Variants in TBC1D4 observed in about 807,000 individuals in gnomAD.
The protein encoded by TBC1D4 is TBC (Tre-2, BUB2, CDC16) domain-containing protein.
In TBC1D4, 121 loss-of-function variants were observed where a neutral mutation model predicts 142.5. The observed-to-expected ratio is 0.85, with a 90% CI of 0.73 to 0.99. The LOEUF (loss-of-function observed/expected upper bound fraction) is 0.99, where lower values mean the gene tolerates loss of function less well. TBC1D4 is among the 50% of genes least tolerant of loss of function. The pLI, the probability that TBC1D4 is intolerant of heterozygous loss-of-function variation, is 0.00. For synonymous variants in TBC1D4, 630 were observed against 628.2 expected, an observed-to-expected ratio of 1.00 and a Z score of -0.04; for missense variants, 1,475 against 1,606.6, an observed-to-expected ratio of 0.92 and a Z score of 1.40.
chr13:75,299,053 A>C (rs1876242197), intron 17 of TBC1D4, among the ~76,000 whole-genome samples: 1 of 152,198 alleles, frequency 6.6e-6, no homozygotes, highest in African/African-American at 2.4e-5. Flanking sequence ...TTAGGGCATA[A>C]AGGACTGGGT....
intron 1 of TBC1D4, among the ~76,000 whole-genome samples, chr13:75,396,297 A>G (rs1232331782): frequency 1.3e-5 from 2 of 152,210 alleles, no homozygotes; most frequent in East Asian, 1.9e-4. Flanking sequence ...TTATTGTCTC[A>G]GCAGCTGTTT....
chr13:75,421,619 T>C (rs1027645725), intron 1 of TBC1D4, among the ~76,000 whole-genome samples: 1 of 152,212 alleles, frequency 6.6e-6, no homozygotes, highest in Non-Finnish European at 1.5e-5. Context: ...TGGTTGTGTG[T>C]AGAGTCTTGG....
In TBC1D4 at chr13:75,481,372, G is replaced by A. The variant is rs558856103; in HGVS notation, c.396C>T (p.Asn132=). 6.2e-7 allele frequency: 1 copy of A among 1,613,966 alleles called. No individual in the cohort carries two copies. Among genetic ancestry groups the A allele is most frequent in the South Asian group, 1.1e-5 (1 of 91,086 alleles). The part of the protein sequence containing the change: ...KAQHISRFIH[N]SHDLTYFAYL... Reference sequence around the variant, plus strand: ...AGGCAAAGTAGGTGAGGTCGTGGCTGTTGTGGATGAAGCGCGAGATATGCT... The same window carrying A: ...AGGCAAAGTAGGTGAGGTCGTGGCTATTGTGGATGAAGCGCGAGATATGCT... The change falls in exon 1 of 21, where the codon AAC becomes AAT. Residue 132 remains asparagine (N), a synonymous_variant. Transcript: ENST00000377636.
intron 14 of TBC1D4, among the ~76,000 whole-genome samples, chr13:75,306,873 C>T (rs911116449): frequency 6.6e-6 from 1 of 152,134 alleles, no homozygotes; most frequent in Non-Finnish European, 1.5e-5. Flanking sequence ...TAACATGATA[C>T]ATTTTTATAA....
At chr13:75,355,836 C>A (rs56777330) in intron 4 of TBC1D4, among the ~76,000 whole-genome samples, 2,462 of 152,310 alleles carry the variant, frequency 0.016, 63 homozygotes, top group African/African-American at 0.056. Flanking sequence ...CCTTCCTTAT[C>A]TTCTCATATG....
At chr13:75,474,653 T>G (rs1888560482) in intron 1 of TBC1D4, among the ~76,000 whole-genome samples, 1 of 149,640 alleles carries the variant, frequency 6.7e-6, no homozygotes, top group African/African-American at 2.4e-5. Flanking sequence ...AACCTTTTTT[T>G]TTTTTTTTAA....
chr13:75,452,360 G>A (rs552824535), intron 1 of TBC1D4, among the ~76,000 whole-genome samples: 5 of 152,142 alleles, frequency 3.3e-5, no homozygotes, highest in African/African-American at 1.2e-4. Flanking sequence ...CAGAAACTAT[G>A]GATATATGAC....
chr13:75,436,781 T>C (rs577618077), intron 1 of TBC1D4, among the ~76,000 whole-genome samples: 21 of 152,326 alleles, frequency 1.4e-4, no homozygotes, highest in Non-Finnish European at 2.1e-4. Context: ...AGAATCCTTA[T>C]TATTAATTGA....
intron 1 of TBC1D4, among the ~76,000 whole-genome samples, chr13:75,462,548 AAAAAAAAAAGATTTGAC>A (rs1888015377): frequency 6.6e-6 from 1 of 151,530 alleles, no homozygotes; most frequent in African/African-American, 2.4e-5. Flanking sequence ...AAAAGGAAAA[AAAAAAAAAAGATTTGAC>A]AAAGCAGAGC....
intron 1 of TBC1D4, among the ~76,000 whole-genome samples, chr13:75,436,032 CCCA>C (rs1233003546): frequency 1.3e-5 from 2 of 152,072 alleles, no homozygotes; most frequent in Admixed American, 1.3e-4. Flanking sequence ...TCCCATAATC[CCCA>C]CGTGTCATGG....
In TBC1D4 at chr13:75,293,753, A is replaced by C. The variant is rs1593866153; in HGVS notation, c.3316+1101T>G. On this transcript the variant is annotated intron_variant, in intron 18 of 20. Coordinates refer to ENST00000377636, the MANE Select transcript of TBC1D4 (RefSeq NM_014832.5). ...GTTTAACTTTTAAACCACAGCCCTC[A>C]ATAAGAAAGATATCATATGTTGTAA... Among the ~76,000 whole-genome samples the C allele has an allele frequency of 2.0e-5, 3 of 152,232 alleles. No homozygotes were observed. In the East Asian group the frequency reaches 5.8e-4, roughly 29 times the overall value.
At chr13:75,411,006 T>C (rs1593857328) in intron 1 of TBC1D4, among the ~76,000 whole-genome samples, 2 of 135,182 alleles carry the variant, frequency 1.5e-5, no homozygotes, top group Admixed American at 7.3e-5. Context: ...TAATATAAAA[T>C]GTAAGACATT....
chr13:75,353,630 G>A (rs1881799088), intron 4 of TBC1D4, among the ~76,000 whole-genome samples: 1 of 152,130 alleles, frequency 6.6e-6, no homozygotes, highest in South Asian at 2.1e-4. Flanking sequence ...TGCAAAAAAG[G>A]GGGTCAAGAA....
chr13:75,458,291 C>T (rs1327454111), intron 1 of TBC1D4, among the ~76,000 whole-genome samples: 1 of 152,122 alleles, frequency 6.6e-6, no homozygotes, highest in Non-Finnish European at 1.5e-5. Flanking sequence ...CTTCTCCAAC[C>T]ACCCCCAGCC....
intron 1 of TBC1D4, among the ~76,000 whole-genome samples, chr13:75,392,198 GGATA>G (rs1884525272): frequency 6.6e-6 from 1 of 151,946 alleles, no homozygotes; most frequent in Admixed American, 6.6e-5. Flanking sequence ...AATATGTGTT[GGATA>G]AATAACCAAA....
At chr13:75,326,872 A>C (rs1405911934) in intron 9 of TBC1D4, among the ~76,000 whole-genome samples, 1 of 152,182 alleles carries the variant, frequency 6.6e-6, no homozygotes, top group Non-Finnish European at 1.5e-5. Flanking sequence ...TATCAATTGC[A>C]TGCTTCCTGT....
chr13:75,334,047 C>A (rs993115219), intron 8 of TBC1D4, among the ~76,000 whole-genome samples: 1 of 152,150 alleles, frequency 6.6e-6, no homozygotes, highest in Non-Finnish European at 1.5e-5. Flanking sequence ...GCCTGCCAGC[C>A]TTCTCCATTG....
intron 1 of TBC1D4, among the ~76,000 whole-genome samples, chr13:75,385,598 A>T (rs1207036937): frequency 6.6e-6 from 1 of 152,250 alleles, no homozygotes; most frequent in African/African-American, 2.4e-5. Flanking sequence ...TATCTGGGAA[A>T]GTTAGCTCTT....
chr13:75,455,750 T>A (rs1359878241), intron 1 of TBC1D4, among the ~76,000 whole-genome samples: 1 of 152,098 alleles, frequency 6.6e-6, no homozygotes, highest in Non-Finnish European at 1.5e-5. Context: ...AGGTATGATA[T>A]AGTCAAAAAA....
Sources: allele counts gnomAD v4.1 joint callset (sites outside exome capture counted in the v4.1 genomes callset), GRCh38; gene constraint gnomAD v4.1.1; transcripts MANE v1.5; gene names NCBI Gene and HGNC (gene_info 2026-07-23, HGNC 2026-07-21).